CD99L2: variants seen among roughly 807,000 people sequenced by gnomAD.
The protein encoded by CD99L2 is CD99 antigen-like protein 2.
Under a neutral mutation model 27.3 loss-of-function variants are expected in CD99L2, and 24 were observed. That is an observed-to-expected ratio of 0.88 (90% CI 0.64 to 1.24). CD99L2 has a LOEUF of 1.24. CD99L2 is among the 50% of genes most tolerant of loss of function. The pLI, the probability that CD99L2 is intolerant of heterozygous loss-of-function variation, is 0.00. For synonymous variants in CD99L2, 97 were observed against 87.9 expected, an observed-to-expected ratio of 1.10 and a Z score of -0.58; for missense variants, 255 against 221.6, an observed-to-expected ratio of 1.15 and a Z score of -0.96.
At chrX:150,856,775 T>G (rs1358326108) in intron 1 of CD99L2, among the ~76,000 whole-genome samples, 2 of 108,927 alleles carry the variant, frequency 1.8e-5, no homozygotes, top group Non-Finnish European at 3.8e-5. Context: ...AAAAAGAAAT[T>G]CATGAAATCC....
At chrX:150,776,427 G>A (rs2043554923) in intron 8 of CD99L2, 134 bp from the exon 9 acceptor site, 2 of 713,272 alleles carry the variant, frequency 2.8e-6, no homozygotes. Flanking sequence ...GCAGGAGAGG[G>A]CCATGCCACA....
chrX:150,848,205 A>G lies in CD99L2; in HGVS notation c.68-16912T>C, dbSNP rs184406627. Among the ~76,000 whole-genome samples, 246 of 109,807 alleles carry G rather than the reference A, an allele frequency of 2.2e-3. 1 individual carries two copies. The highest frequency in any genetic ancestry group is 7.7e-3 in the African/African-American group (233 of 30,225). ...GTGTCCACTGTGAAAATCTTAGAAA[A>G]TGCAGAAAAGAAGAAATAAAATAAC... On this transcript the variant is annotated intron_variant, in intron 1 of 10. Transcript: ENST00000370377.
At chrX:150,892,694 C>T in intron 1 of CD99L2, among the ~76,000 whole-genome samples, 1 of 109,375 alleles carries the variant, frequency 9.1e-6, no homozygotes. Flanking sequence ...AGAATGAAAC[C>T]CAGCTCCTCC....
intron 1 of CD99L2, among the ~76,000 whole-genome samples, chrX:150,897,328 C>T (rs987925227): frequency 8.9e-6 from 1 of 112,463 alleles, no homozygotes; most frequent in African/African-American, 3.2e-5. Context: ...TGTTCACTAC[C>T]GCATCATCAG....
At chrX:150,777,982 G>C (rs952058830) in intron 7 of CD99L2, among the ~76,000 whole-genome samples, 24 of 112,069 alleles carry the variant, frequency 2.1e-4, no homozygotes, top group African/African-American at 7.8e-4. Flanking sequence ...AAATTCAAAA[G>C]GATCTGAAGT....
chrX:150,807,334 A>C (rs1157320940), intron 4 of CD99L2, among the ~76,000 whole-genome samples: 1 of 111,662 alleles, frequency 9.0e-6, no homozygotes, highest in African/African-American at 3.3e-5. Context: ...AGGATTTTCC[A>C]GGGTTTCTTT....
rs191877692 is a variant in CD99L2 at position 150,843,175 on chromosome X, T to C, written c.68-11882A>G. ...CAAAGTAGGGATTCTAGCAGGGAGA[T>C]TGGCACCTCTCAAGTGGCCAGTTAC... On this transcript the variant is annotated intron_variant, in intron 1 of 10. Coordinates refer to ENST00000370377, the MANE Select transcript of CD99L2 (RefSeq NM_031462.4). Among the ~76,000 whole-genome samples the C allele has an allele frequency of 1.3e-4, 15 of 111,842 alleles. No homozygotes were observed. The East Asian group carries it at 2.0e-3, about 15-fold the overall frequency.
chrX:150,861,483 T>C (rs1031070859), intron 1 of CD99L2, among the ~76,000 whole-genome samples: 1 of 111,854 alleles, frequency 8.9e-6, no homozygotes, highest in South Asian at 3.7e-4. Context: ...TGATTTTTGA[T>C]GAAGGCACCA....
intron 1 of CD99L2, among the ~76,000 whole-genome samples, chrX:150,890,815 G>A (rs1383779735): frequency 1.2e-4 from 14 of 113,156 alleles, no homozygotes; most frequent in African/African-American, 4.5e-4. Flanking sequence ...CATCAGGACT[G>A]GAGGAGAAGG....
At chrX:150,872,754 T>A (rs1557422223) in intron 1 of CD99L2, among the ~76,000 whole-genome samples, 3 of 110,033 alleles carry the variant, frequency 2.7e-5, no homozygotes, top group African/African-American at 9.9e-5. Flanking sequence ...GGACCCAATA[T>A]CAAAAAGACA....
intron 1 of CD99L2, among the ~76,000 whole-genome samples, chrX:150,888,754 G>C (rs1233903278): frequency 3.6e-5 from 4 of 111,957 alleles, no homozygotes; most frequent in African/African-American, 1.3e-4. Flanking sequence ...TCAAACCAGA[G>C]AGGCCACATT....
At chrX:150,776,126 A>C in intron 9 of CD99L2, 48 bp downstream of exon 9, 2 of 1,197,432 alleles carry the variant, frequency 1.7e-6, no homozygotes, top group South Asian at 3.7e-5. Flanking sequence ...TTTCCCTCCA[A>C]AGACCTTGCC....
At chrX:150,794,412 C>A (rs1603292234) in intron 6 of CD99L2, among the ~76,000 whole-genome samples, 2 of 112,068 alleles carry the variant, frequency 1.8e-5, no homozygotes, top group South Asian at 7.4e-4. Context: ...CAACTCCGGA[C>A]CAAAGGAAAC....
intron 1 of CD99L2, among the ~76,000 whole-genome samples, chrX:150,880,224 G>A (rs962537756): frequency 8.9e-6 from 1 of 111,753 alleles, no homozygotes; most frequent in African/African-American, 3.3e-5. Context: ...AAAAACATAA[G>A]TCCACACAAA....
chrX:150,876,443 G>A (rs1486657891), intron 1 of CD99L2, among the ~76,000 whole-genome samples: 4 of 112,305 alleles, frequency 3.6e-5, no homozygotes, highest in Non-Finnish European at 5.6e-5. Context: ...TGAGAAAATA[G>A]TAACTACTAA....
intron 7 of CD99L2, among the ~76,000 whole-genome samples, chrX:150,782,044 C>T (rs1426676548): frequency 9.0e-6 from 1 of 111,668 alleles, no homozygotes; most frequent in Non-Finnish European, 1.9e-5. Context: ...AGTGCCTGAC[C>T]CACCTGGTTG....
chrX:150,824,837 T>C (rs1380169148), intron 2 of CD99L2, among the ~76,000 whole-genome samples: 1 of 112,214 alleles, frequency 8.9e-6, no homozygotes, highest in Non-Finnish European at 1.9e-5. Flanking sequence ...TTAGCTGTTT[T>C]AGTAAAAACT....
chrX:150,776,044 C>A lies in CD99L2; in HGVS notation c.655+130G>T, dbSNP rs1237728101. ...GATTTCCAAAACTGTTGCCTCCACC[C>A]CCGTCCCAGGAAGTCTGCTTGGGAG... On this transcript the variant is annotated intron_variant, in intron 9 of 10. Transcript: ENST00000370377. 3 of 895,361 alleles carry A rather than the reference C, an allele frequency of 3.4e-6. No homozygotes were observed. The East Asian group carries it at 9.8e-5, about 29-fold the overall frequency. The allele number at this position is 895,361 out of a possible 1,213,427, so 73.8% of individuals were successfully genotyped here.
intron 1 of CD99L2, among the ~76,000 whole-genome samples, chrX:150,851,390 T>C (rs184643982): frequency 8.9e-6 from 1 of 112,205 alleles, no homozygotes. Flanking sequence ...TGAGCTGGCA[T>C]GGTGCCGATG....
Sources: allele counts gnomAD v4.1 joint callset (sites outside exome capture counted in the v4.1 genomes callset), GRCh38; gene constraint gnomAD v4.1.1; transcripts MANE v1.5; gene names NCBI Gene and HGNC (gene_info 2026-07-23, HGNC 2026-07-21).